Variants in RAP1GAP2 observed in about 807,000 individuals in gnomAD.
The protein encoded by RAP1GAP2 is RAP1 GTPase activating protein 2.
Under a neutral mutation model 95.0 loss-of-function variants are expected in RAP1GAP2, and 27 were observed. The ratio of observed to expected loss-of-function variants is 0.28; its 90% CI spans 0.21 to 0.39. The LOEUF is 0.39. RAP1GAP2 is among the 10% of genes least tolerant of loss of function. The pLI, the probability that RAP1GAP2 is intolerant of heterozygous loss-of-function variation, is 1.00. For missense variants in RAP1GAP2, 771 were observed against 970.0 expected (o/e 0.79, Z 2.72); for synonymous variants, 373 against 380.9 (o/e 0.98, Z 0.24).
intron 3 of RAP1GAP2, among the ~76,000 whole-genome samples, chr17:2,926,227 G>A (rs1410636180): frequency 6.6e-6 from 1 of 151,990 alleles, no homozygotes; most frequent in South Asian, 2.1e-4. Context: ...GCCAGGAAGC[G>A]CAGGCCTCCC....
chr17:2,978,127 T>C (rs1431101362), intron 8 of RAP1GAP2, among the ~76,000 whole-genome samples: 2 of 152,232 alleles, frequency 1.3e-5, no homozygotes, highest in East Asian at 3.8e-4. Context: ...ATAATTTCTT[T>C]TTCCTTCTTC....
intron 10 of RAP1GAP2, among the ~76,000 whole-genome samples, chr17:2,981,754 C>A (rs1283917475): frequency 6.6e-6 from 1 of 152,166 alleles, no homozygotes; most frequent in African/African-American, 2.4e-5. Context: ...ATATCAGCTT[C>A]CTTTGAATTG....
intron 2 of RAP1GAP2, chr17:2,854,110 C>T (rs1278381323): frequency 3.0e-6 from 3 of 985,320 alleles, no homozygotes; most frequent in Non-Finnish European, 3.6e-6. Context: ...AAGGTAAACC[C>T]CTGCAGCGCC....
In RAP1GAP2 at chr17:2,867,652, T is replaced by C. The variant is rs2072670702; in HGVS notation, c.81-37632T>C. On this transcript the variant is annotated intron_variant, in intron 2 of 24. Transcript: ENST00000254695. This position sits in a 1 kb window ranked among gnomAD's most constrained non-coding sequence, Gnocchi z 4.5. Reference sequence around the variant, plus strand: ...GTCTAGGTCTTACGCCCACCGCTGGTTCCCGGGATGCAGGGACTTGGCTGG... The same window carrying C: ...GTCTAGGTCTTACGCCCACCGCTGGCTCCCGGGATGCAGGGACTTGGCTGG... 6.6e-6 allele frequency among the ~76,000 whole-genome samples: 1 copy of C among 152,148 alleles called. No homozygotes were observed. Among genetic ancestry groups the C allele is most frequent in the South Asian group, 2.1e-4 (1 of 4,832 alleles).
chr17:2,941,517 C>T (rs1395807229), intron 3 of RAP1GAP2, among the ~76,000 whole-genome samples: 2 of 152,030 alleles, frequency 1.3e-5, no homozygotes, highest in African/African-American at 4.8e-5. Flanking sequence ...AGGCAGGAGC[C>T]CGAGGCGCTG....
intron 3 of RAP1GAP2, among the ~76,000 whole-genome samples, chr17:2,947,161 C>A (rs905874446): frequency 6.6e-6 from 1 of 151,978 alleles, no homozygotes; most frequent in African/African-American, 2.4e-5. Context: ...AGTGAAATGG[C>A]ACCTCTGAAA....
chr17:3,001,559 A>T (rs113459105), intron 14 of RAP1GAP2, among the ~76,000 whole-genome samples: 1,351 of 97,518 alleles, frequency 0.014, 23 homozygotes, highest in East Asian at 0.046. Context: ...AGGTCCAAGC[A>T]CCAGGCTGAA....
chr17:2,782,209 C>A (rs984918445), intron 1 of RAP1GAP2, among the ~76,000 whole-genome samples: 1 of 152,182 alleles, frequency 6.6e-6, no homozygotes, highest in Non-Finnish European at 1.5e-5. Flanking sequence ...TGCTTCTCCC[C>A]CTCTGGCTGT....
chr17:2,920,804 C>A (rs2042737617), intron 3 of RAP1GAP2, among the ~76,000 whole-genome samples: 1 of 152,232 alleles, frequency 6.6e-6, no homozygotes, highest in Non-Finnish European at 1.5e-5. Flanking sequence ...CTGCCAACTG[C>A]CATAGACTCT....
At chr17:2,993,377 T>G (rs1300430618) in intron 12 of RAP1GAP2, among the ~76,000 whole-genome samples, 1 of 150,034 alleles carries the variant, frequency 6.7e-6, no homozygotes, top group African/African-American at 2.5e-5. Flanking sequence ...ATTGAGACCA[T>G]CTTGGCCAAC....
intron 2 of RAP1GAP2, among the ~76,000 whole-genome samples, chr17:2,805,095 T>A (rs527612762): frequency 3.3e-5 from 5 of 152,196 alleles, no homozygotes; most frequent in Non-Finnish European, 7.3e-5. Context: ...ACCCAGTGCC[T>A]GGCACAAAAC....
intron 2 of RAP1GAP2, chr17:2,853,935 C>A: frequency 1.0e-6 from 1 of 981,396 alleles, no homozygotes; most frequent in Non-Finnish European, 1.2e-6. Context: ...GTGCGGAGCG[C>A]GCGGAGCCGG....
At chr17:2,799,484 G>A (rs2069191775) in intron 1 of RAP1GAP2, among the ~76,000 whole-genome samples, 1 of 152,190 alleles carries the variant, frequency 6.6e-6, no homozygotes, top group Non-Finnish European at 1.5e-5. Flanking sequence ...CTCTTCCCTG[G>A]AGCTGTGACT....
chr17:2,966,041 CA>C (rs1228120403), intron 8 of RAP1GAP2: 1 of 201,610 alleles, frequency 5.0e-6, no homozygotes, highest in Non-Finnish European at 1.0e-5. Context: ...TACATCTTGC[CA>C]GGAAAGATAG....
chr17:2,865,004 G>A (rs2072566151), intron 2 of RAP1GAP2, among the ~76,000 whole-genome samples: 3 of 152,168 alleles, frequency 2.0e-5, no homozygotes, highest in Admixed American at 2.0e-4. Context: ...TGACACTGAT[G>A]ATCATTATCT....
chr17:2,948,961 G>A (rs1309274474), intron 3 of RAP1GAP2, among the ~76,000 whole-genome samples: 1 of 152,234 alleles, frequency 6.6e-6, no homozygotes, highest in Non-Finnish European at 1.5e-5. Flanking sequence ...GATTTCCCAA[G>A]CCTAAATTAC....
intron 3 of RAP1GAP2, among the ~76,000 whole-genome samples, chr17:2,913,477 T>C (rs1453526180): frequency 6.6e-6 from 1 of 152,022 alleles, no homozygotes; most frequent in Non-Finnish European, 1.5e-5. Context: ...TTAGTAGAGA[T>C]GGGGTTTCAC....
intron 2 of RAP1GAP2, among the ~76,000 whole-genome samples, chr17:2,820,179 G>T (rs1171681036): frequency 1.3e-5 from 2 of 152,024 alleles, no homozygotes; most frequent in Non-Finnish European, 2.9e-5. Flanking sequence ...CACCTAGGTC[G>T]TTTCCATTTT....
rs556821732 is a variant in RAP1GAP2, at chr17:3,003,109, C to G, written c.1201-2260C>G. Among the ~76,000 whole-genome samples, 4 of 152,248 alleles carry G rather than the reference C, an allele frequency of 2.6e-5. No individual in the cohort carries two copies. In the South Asian group the frequency reaches 8.3e-4, roughly 32 times the overall value. ...GCCCCTGGTGAGACAAGACCTCTCG[C>G]TAGAGGGAGGAAATGGAAGCTGAGA... is the stretch of plus-strand genomic sequence containing the variant. On this transcript the variant is annotated intron_variant, in intron 14 of 24. Coordinates refer to ENST00000254695, the MANE Select transcript of RAP1GAP2 (RefSeq NM_015085.5). This position sits in a 1 kb window ranked among gnomAD's most constrained non-coding sequence, Gnocchi z 4.1.
Sources: allele counts gnomAD v4.1 joint callset (sites outside exome capture counted in the v4.1 genomes callset), GRCh38; gene constraint gnomAD v4.1.1; non-coding constraint Gnocchi (gnomAD v3.1); transcripts MANE v1.5; gene names NCBI Gene and HGNC (gene_info 2026-07-23, HGNC 2026-07-21).